The following SHROOM2 variants were observed in gnomAD, a reference collection of about 807,000 sequenced individuals.
SHROOM2 encodes shroom family member 2, also known as protein Shroom2.
In SHROOM2, 33 loss-of-function variants were observed where a neutral mutation model predicts 75.9. The observed-to-expected ratio is 0.43, with a 90% CI of 0.33 to 0.58. The LOEUF is 0.58. Ranked by LOEUF, SHROOM2 falls within the 20% of genes least tolerant of loss-of-function variation. SHROOM2 has a pLI of 0.04. For missense variants in SHROOM2, 1,434 were observed against 1,461.2 expected (o/e 0.98, Z 0.30); for synonymous variants, 655 against 663.6 (o/e 0.99, Z 0.20).
chrX:9,912,107 A>AACACACACACAC (rs61080253), intron 5 of SHROOM2, among the ~76,000 whole-genome samples: 26 of 26,459 alleles, frequency 9.8e-4, no homozygotes, highest in East Asian at 1.5e-3. Context: ...CCTTTCTCCA[A>AACACACACACAC]ACACACACAC....
chrX:9,795,864 C>T (rs1215681298), intron 1 of SHROOM2, among the ~76,000 whole-genome samples: 1 of 110,494 alleles, frequency 9.1e-6, no homozygotes, highest in Non-Finnish European at 1.9e-5. Context: ...CTCTCCTTTG[C>T]TCAGCTGGGC....
At chrX:9,814,777 G>A (rs2083809943) in intron 1 of SHROOM2, among the ~76,000 whole-genome samples, 1 of 111,769 alleles carries the variant, frequency 8.9e-6, no homozygotes, top group Non-Finnish European at 1.9e-5. Context: ...AGCTTCATCA[G>A]GGTTCTCCCT....
At chrX:9,866,911 G>A (rs761109258) in intron 1 of SHROOM2, among the ~76,000 whole-genome samples, 1 of 110,455 alleles carries the variant, frequency 9.1e-6, no homozygotes, top group East Asian at 2.9e-4. Flanking sequence ...AAGCCTCTGC[G>A]GAAGGCCTTC....
At chrX:9,863,715 C>T in intron 1 of SHROOM2, among the ~76,000 whole-genome samples, 1 of 110,143 alleles carries the variant, frequency 9.1e-6, no homozygotes, top group Admixed American at 9.7e-5. Context: ...CTGCAGCCTC[C>T]AACTCCTAGG....
chrX:9,893,063 A>C (rs1277305984), intron 3 of SHROOM2, among the ~76,000 whole-genome samples: 1 of 110,971 alleles, frequency 9.0e-6, no homozygotes, highest in Admixed American at 9.7e-5. Context: ...GGGTATAACC[A>C]GTTAGCTGAA....
intron 5 of SHROOM2, among the ~76,000 whole-genome samples, chrX:9,906,494 A>G (rs747549746): frequency 1.8e-5 from 2 of 113,159 alleles, no homozygotes; most frequent in African/African-American, 6.4e-5. Flanking sequence ...ACTTTTTTTA[A>G]TTTAAAATGG....
At chrX:9,809,135 A>G (rs905683322) in intron 1 of SHROOM2, among the ~76,000 whole-genome samples, 1 of 103,520 alleles carries the variant, frequency 9.7e-6, no homozygotes, top group Non-Finnish European at 2.0e-5. Flanking sequence ...AATAGGAAAT[A>G]TATATGAAGA....
At chrX:9,875,080 CAAAAAAAAAAAAAAAAAAAAAAAAAA>C (rs375824306) in intron 2 of SHROOM2, among the ~76,000 whole-genome samples, 2 of 12,338 alleles carry the variant, frequency 1.6e-4, no homozygotes, top group Admixed American at 1.7e-3. Context: ...GACCCTGTCT[CAAAAAAAAAAAAAAAAAAAAAAAAAA>C]AAAAGGGGAG....
At chrX:9,925,736 G>A (rs1039629705) in intron 5 of SHROOM2, among the ~76,000 whole-genome samples, 1 of 112,560 alleles carries the variant, frequency 8.9e-6, no homozygotes, top group Non-Finnish European at 1.9e-5. Flanking sequence ...TGGTATGCTT[G>A]TGTATAATAC....
chrX:9,848,038 A>G (rs754305349), intron 1 of SHROOM2, among the ~76,000 whole-genome samples: 5 of 111,913 alleles, frequency 4.5e-5, no homozygotes, highest in Non-Finnish European at 7.5e-5. Flanking sequence ...CAGCAGGTCA[A>G]TACTCCCCAT....
chrX:9,847,088 C>T (rs1479180647), intron 1 of SHROOM2, among the ~76,000 whole-genome samples: 1 of 112,251 alleles, frequency 8.9e-6, no homozygotes, highest in African/African-American at 3.2e-5. Flanking sequence ...GTTATTATTC[C>T]GTGCTTGTCT....
intron 1 of SHROOM2, among the ~76,000 whole-genome samples, chrX:9,835,727 GTT>G (rs5901419): frequency 8.3e-5 from 8 of 95,899 alleles, no homozygotes; most frequent in African/African-American, 1.9e-4. Flanking sequence ...CTCTCTTCAT[GTT>G]TTTTTTTTTT....
At chrX:9,808,238 T>A (rs2083767400) in intron 1 of SHROOM2, among the ~76,000 whole-genome samples, 2 of 110,937 alleles carry the variant, frequency 1.8e-5, no homozygotes, top group African/African-American at 6.6e-5. Context: ...CTTCCTGCAC[T>A]TCTTTTTTCT....
At chrX:9,822,056 A>G (rs2083855973) in intron 1 of SHROOM2, among the ~76,000 whole-genome samples, 2 of 112,706 alleles carry the variant, frequency 1.8e-5, no homozygotes, top group South Asian at 7.3e-4. Context: ...GTTAGAGCCC[A>G]TCCTGGGGCA....
intron 1 of SHROOM2, among the ~76,000 whole-genome samples, chrX:9,871,849 C>T (rs1007376635): frequency 9.0e-6 from 1 of 111,611 alleles, no homozygotes; most frequent in South Asian, 3.8e-4. Context: ...GAAGAATGGA[C>T]GGCATTAGCT....
intron 1 of SHROOM2, among the ~76,000 whole-genome samples, chrX:9,810,042 A>G (rs1221239494): frequency 1.8e-5 from 2 of 112,519 alleles, no homozygotes; most frequent in Non-Finnish European, 3.8e-5. Flanking sequence ...TTTTCCTAGC[A>G]CTAGTACAAG....
chrX:9,855,030 G>C (rs145029278), intron 1 of SHROOM2, among the ~76,000 whole-genome samples: 1 of 104,422 alleles, frequency 9.6e-6, no homozygotes, highest in Admixed American at 1.1e-4. Context: ...TTTAAACTTT[G>C]TTACTTTAAA....
intron 1 of SHROOM2, among the ~76,000 whole-genome samples, chrX:9,849,784 C>A (rs1444827123): frequency 8.9e-6 from 1 of 111,908 alleles, no homozygotes; most frequent in Non-Finnish European, 1.9e-5. Context: ...TCTTCCCTAG[C>A]TTGTAGGTAC....
In SHROOM2 at chrX:9,932,797, C is replaced by T; in HGVS notation, c.3514C>T (p.Pro1172Ser). The stretch of plus-strand genomic sequence containing the variant: ...GGCCACCATGGAGACCTCGCGCTCC[C>T]CCTCGCCCCAGTTCGCCCCCCAGAA... ...QTATMETSRS[P>S]SPQFAPQKLT... Residue 1172 changes from proline (P) to serine (S), a missense_variant, in exon 6 of 10, where the codon CCC (proline) becomes TCC (serine). Transcript: ENST00000380913. 1 of 1,208,681 alleles carries T rather than the reference C, an allele frequency of 8.3e-7. No individual in the cohort carries two copies. The highest frequency in any genetic ancestry group is 1.8e-5 in the South Asian group (1 of 56,860).
Sources: gnomAD v4.1 joint callset for allele counts (sites outside exome capture counted in the v4.1 genomes callset) on GRCh38, gnomAD v4.1.1 for gene constraint, MANE v1.5 for transcripts, NCBI Gene and HGNC (gene_info 2026-07-23, HGNC 2026-07-21) for gene names.